The following HIBADH variants were observed in gnomAD, a reference collection of about 807,000 sequenced individuals.
HIBADH encodes 3-hydroxyisobutyrate dehydrogenase, mitochondrial.
A neutral mutation model predicts 36.1 loss-of-function variants in HIBADH; 25 were observed. The ratio of observed to expected loss-of-function variants is 0.69; its 90% CI spans 0.50 to 0.97. The LOEUF (loss-of-function observed/expected upper bound fraction) is 0.97. Ranked by LOEUF, HIBADH falls within the 50% of genes least tolerant of loss-of-function variation. The probability of loss-of-function intolerance (pLI) is 0.00; values close to 1 mark genes in which losing one functional copy is unlikely to be tolerated. For synonymous variants in HIBADH, 160 were observed against 149.5 expected (o/e 1.07, Z -0.51); for missense variants, 421 against 418.0 (o/e 1.01, Z -0.06).
At chr7:27,590,926 C>T (rs1172945013) in intron 4 of HIBADH, among the ~76,000 whole-genome samples, 2 of 152,164 alleles carry the variant, frequency 1.3e-5, no homozygotes, top group African/African-American at 4.8e-5. Context: ...ATATCTCCCT[C>T]AAATAACAGA....
intron 4 of HIBADH, among the ~76,000 whole-genome samples, chr7:27,597,443 C>T (rs1440220993): frequency 1.5e-5 from 1 of 68,022 alleles, no homozygotes; most frequent in Non-Finnish European, 2.7e-5. Flanking sequence ...CCCATAGACT[C>T]AGTAAAAAAA....
rs139550716 is a variant in HIBADH at position 27,548,909 on chromosome 7, A to G, written c.485-5809T>C. ...CTCAGAGAAGGGGTGAAAAAACAAG[A>G]TATTGTTCTTGAAGAGTAATATTCT... On this transcript the variant is annotated intron_variant, in intron 4 of 7. Coordinates refer to ENST00000265395, the MANE Select transcript of HIBADH (RefSeq NM_152740.4). Among the ~76,000 whole-genome samples the G allele has an allele frequency of 7.3e-3, 1,111 of 152,286 alleles. 9 individuals carry two copies. The highest frequency in any genetic ancestry group is 0.025 in the African/African-American group (1,027 of 41,546).
intron 6 of HIBADH, among the ~76,000 whole-genome samples, chr7:27,533,482 C>CT (rs1784030191): frequency 6.6e-6 from 1 of 152,152 alleles, no homozygotes; most frequent in Non-Finnish European, 1.5e-5. Context: ...CCCCTGCCCC[C>CT]ACCCGCAGCA....
chr7:27,594,145 T>TTG (rs200362416), intron 4 of HIBADH, among the ~76,000 whole-genome samples: 29,138 of 90,898 alleles, frequency 0.32, 4,162 homozygotes, highest in East Asian at 0.65. Flanking sequence ...GATGTTTTTG[T>TTG]TTTTTTGTTT....
At chr7:27,584,948 C>CA in intron 4 of HIBADH, among the ~76,000 whole-genome samples, 1 of 151,964 alleles carries the variant, frequency 6.6e-6, no homozygotes, top group East Asian at 1.9e-4. Context: ...ATGGAGGGTA[C>CA]ACTGAGAACC....
chr7:27,640,040 G>A (rs1207782689), intron 2 of HIBADH, among the ~76,000 whole-genome samples: 1 of 152,188 alleles, frequency 6.6e-6, no homozygotes, highest in African/African-American at 2.4e-5. Flanking sequence ...CGTAAGCATA[G>A]GACTTTGGTC....
intron 4 of HIBADH, among the ~76,000 whole-genome samples, chr7:27,591,563 AAAATT>A (rs1442735598): frequency 1.3e-5 from 2 of 152,192 alleles, no homozygotes; most frequent in East Asian, 3.9e-4. Context: ...AAAAAAAAAA[AAAATT>A]ATCACCTAAC....
At chr7:27,590,386 T>C (rs1454257245) in intron 4 of HIBADH, among the ~76,000 whole-genome samples, 1 of 152,216 alleles carries the variant, frequency 6.6e-6, no homozygotes, top group African/African-American at 2.4e-5. Flanking sequence ...TGCAATTAAT[T>C]GTTCTGCTGC....
intron 4 of HIBADH, among the ~76,000 whole-genome samples, chr7:27,611,407 T>G (rs182364722): frequency 6.6e-6 from 1 of 152,152 alleles, no homozygotes; most frequent in Non-Finnish European, 1.5e-5. Flanking sequence ...TAATTTAGTT[T>G]TAATTTGCTG....
At chr7:27,602,123 A>T (rs986811307) in intron 4 of HIBADH, among the ~76,000 whole-genome samples, 2 of 151,992 alleles carry the variant, frequency 1.3e-5, no homozygotes, top group Admixed American at 1.3e-4. Flanking sequence ...TAATTCTTAA[A>T]ATTGCATATT....
intron 4 of HIBADH, among the ~76,000 whole-genome samples, chr7:27,617,145 C>G (rs2128292740): frequency 6.6e-6 from 1 of 152,274 alleles, no homozygotes; most frequent in Middle Eastern, 3.4e-3. Flanking sequence ...TGGCCCTATA[C>G]AGGTGTGCCA....
At chr7:27,658,520 A>T (rs148781538) in intron 1 of HIBADH, among the ~76,000 whole-genome samples, 1 of 152,204 alleles carries the variant, frequency 6.6e-6, no homozygotes, top group African/African-American at 2.4e-5. Context: ...GTGCTATCAA[A>T]AAGCAGGTTT....
chr7:27,538,519 T>A, intron 5 of HIBADH, 102 bp from the exon 6 acceptor site: 1 of 926,798 alleles, frequency 1.1e-6, no homozygotes, highest in Non-Finnish European at 1.7e-6. Context: ...CTAAAAGAAA[T>A]AACATTCAAC....
intron 4 of HIBADH, among the ~76,000 whole-genome samples, chr7:27,621,785 C>G (rs1022754795): frequency 6.6e-6 from 1 of 152,050 alleles, no homozygotes; most frequent in African/African-American, 2.4e-5. Flanking sequence ...AAGCGAGACT[C>G]GATCTCAAAC....
chr7:27,634,942 A>G (rs1415990160), intron 2 of HIBADH, among the ~76,000 whole-genome samples: 2 of 152,210 alleles, frequency 1.3e-5, no homozygotes, highest in Admixed American at 1.3e-4. Flanking sequence ...TAACCCCTCA[A>G]TTGTATAGGA....
intron 4 of HIBADH, among the ~76,000 whole-genome samples, chr7:27,562,983 T>C (rs1784489606): frequency 6.6e-6 from 1 of 152,184 alleles, no homozygotes; most frequent in African/African-American, 2.4e-5. Context: ...TTAGCAAGTA[T>C]ACATTCATTC....
intron 1 of HIBADH, among the ~76,000 whole-genome samples, chr7:27,661,772 G>C (rs1003493809): frequency 5.3e-5 from 8 of 152,002 alleles, no homozygotes; most frequent in Non-Finnish European, 8.8e-5. Context: ...GGAAGACAAC[G>C]GCAGTGCCCC....
intron 4 of HIBADH, among the ~76,000 whole-genome samples, chr7:27,621,324 G>A (rs1261943525): frequency 6.6e-6 from 1 of 152,120 alleles, no homozygotes; most frequent in Non-Finnish European, 1.5e-5. Flanking sequence ...TAGACAGGAA[G>A]TCAAGAAAAA....
At chr7:27,637,115 T>TAATAGTAGTAGCAGCAGC (rs1785853731) in intron 2 of HIBADH, among the ~76,000 whole-genome samples, 1 of 152,130 alleles carries the variant, frequency 6.6e-6, no homozygotes, top group Non-Finnish European at 1.5e-5. Context: ...GCAGCAGCAG[T>TAATAGTAGTAGCAGCAGC]AATAGTAGTA....
Sources: allele counts gnomAD v4.1 joint callset (sites outside exome capture counted in the v4.1 genomes callset), GRCh38; gene constraint gnomAD v4.1.1; transcripts MANE v1.5; gene names NCBI Gene and HGNC (gene_info 2026-07-23, HGNC 2026-07-21).